Variants in RANBP17 observed in about 807,000 individuals in gnomAD.
RANBP17 encodes RAN binding protein 17.
RANBP17 carries 158 observed loss-of-function variants against 141.2 expected under a neutral mutation model. That is an observed-to-expected ratio of 1.12 (90% CI 0.98 to 1.28). The LOEUF is 1.28. Ranked by LOEUF, RANBP17 falls within the 50% of genes most tolerant of loss-of-function variation. The pLI is 0.00. For missense variants in RANBP17, 1,438 were observed against 1,290.7 expected (o/e 1.11, Z -1.75); for synonymous variants, 430 against 450.0 (o/e 0.96, Z 0.56).
At chr5:170,872,311 G>C (rs777642490) in intron 1 of RANBP17, among the ~76,000 whole-genome samples, 16 of 152,088 alleles carry the variant, frequency 1.1e-4, no homozygotes, top group Non-Finnish European at 1.8e-4. Flanking sequence ...TTGGCTGTCT[G>C]CTTGTCTATT....
intron 14 of RANBP17, among the ~76,000 whole-genome samples, chr5:171,130,637 T>C (rs549337812): frequency 8.5e-5 from 13 of 152,108 alleles, no homozygotes; most frequent in Admixed American, 3.3e-4. Context: ...GGTTTCTGCA[T>C]GTTGGCCAGA....
intron 14 of RANBP17, among the ~76,000 whole-genome samples, chr5:171,109,649 T>C (rs1049936422): frequency 1.3e-5 from 2 of 152,184 alleles, no homozygotes; most frequent in Non-Finnish European, 2.9e-5. Context: ...ACTAATACAA[T>C]GTAAATGCTA....
At chr5:171,074,109 A>T (rs935428679) in intron 14 of RANBP17, among the ~76,000 whole-genome samples, 1 of 152,182 alleles carries the variant, frequency 6.6e-6, no homozygotes, top group African/African-American at 2.4e-5. Flanking sequence ...GAATAACTTT[A>T]TAGTTAGGAA....
In RANBP17 at chr5:171,264,393, GA is replaced by G. The variant is rs201231962; in HGVS notation, c.2777-1279del. On this transcript the variant is annotated intron_variant, in intron 24 of 27. Coordinates refer to ENST00000523189, the MANE Select transcript of RANBP17 (RefSeq NM_022897.5). The stretch of plus-strand genomic sequence containing the variant: ...ACCACCTATTCCCCAAAAATTATTG[GA>G]AAAAAAAATACAATAAAATTTTCAA... 8.0e-5 allele frequency among the ~76,000 whole-genome samples: 12 copies of G among 149,720 alleles called. No homozygotes were observed. In the South Asian group the frequency reaches 8.5e-4, roughly 11 times the overall value.
intron 24 of RANBP17, among the ~76,000 whole-genome samples, chr5:171,254,883 A>G (rs1000630756): frequency 6.6e-6 from 1 of 152,232 alleles, no homozygotes; most frequent in Non-Finnish European, 1.5e-5. Context: ...AAACAACAAA[A>G]AGGAATGTTT....
intron 19 of RANBP17, 86 bp from the exon 20 acceptor site, chr5:171,205,438 A>G (rs762250084): frequency 9.5e-6 from 10 of 1,052,600 alleles, no homozygotes; most frequent in Non-Finnish European, 1.5e-5. Context: ...TCAAAATCAG[A>G]TATGTGGTCA....
At chr5:171,245,974 G>A (rs1220675802) in intron 24 of RANBP17, among the ~76,000 whole-genome samples, 1 of 151,438 alleles carries the variant, frequency 6.6e-6, no homozygotes, top group African/African-American at 2.4e-5. Context: ...CGCCTCCTGG[G>A]TTCAAACAAT....
intron 19 of RANBP17, among the ~76,000 whole-genome samples, chr5:171,205,146 G>A (rs1762498972): frequency 6.6e-6 from 1 of 152,136 alleles, no homozygotes; most frequent in Non-Finnish European, 1.5e-5. Flanking sequence ...GGGGCCGCTT[G>A]CATGCAAGCC....
At chr5:171,104,464 A>G (rs965863310) in intron 14 of RANBP17, among the ~76,000 whole-genome samples, 1 of 152,230 alleles carries the variant, frequency 6.6e-6, no homozygotes, top group South Asian at 2.1e-4. Context: ...GGTGAAATAT[A>G]AGACTATCCA....
intron 13 of RANBP17, among the ~76,000 whole-genome samples, chr5:170,957,907 G>A (rs1775849285): frequency 6.6e-6 from 1 of 152,150 alleles, no homozygotes; most frequent in South Asian, 2.1e-4. Flanking sequence ...CCAAAATGTT[G>A]TCACCAGAGG....
chr5:171,217,947 G>T (rs1763316145), intron 21 of RANBP17, among the ~76,000 whole-genome samples: 1 of 152,006 alleles, frequency 6.6e-6, no homozygotes, highest in South Asian at 2.1e-4. Context: ...GAATTTGTTT[G>T]CTTTTGGTTT....
chr5:171,081,336 T>C (rs981408533), intron 14 of RANBP17, among the ~76,000 whole-genome samples: 4 of 152,124 alleles, frequency 2.6e-5, no homozygotes, highest in Non-Finnish European at 5.9e-5. Flanking sequence ...TAAAAGAATA[T>C]GGGTTAAGAA....
chr5:171,072,457 A>G (rs1351112509), intron 14 of RANBP17, among the ~76,000 whole-genome samples: 1 of 152,154 alleles, frequency 6.6e-6, no homozygotes, highest in Non-Finnish European at 1.5e-5. Flanking sequence ...TAATTGAAAA[A>G]AAAAAAGACA....
intron 16 of RANBP17, among the ~76,000 whole-genome samples, chr5:171,179,217 T>C (rs1203668103): frequency 6.6e-6 from 1 of 152,204 alleles, no homozygotes; most frequent in Non-Finnish European, 1.5e-5. Context: ...ACCCAAATTA[T>C]CAGAAATGGC....
chr5:171,166,031 A>G (rs1280396858), intron 14 of RANBP17, among the ~76,000 whole-genome samples: 4 of 152,230 alleles, frequency 2.6e-5, no homozygotes, highest in African/African-American at 9.6e-5. Context: ...ACCAAAATGT[A>G]CATTTTAACC....
intron 25 of RANBP17, among the ~76,000 whole-genome samples, chr5:171,267,347 T>C (rs1192526656): frequency 1.3e-5 from 2 of 152,058 alleles, no homozygotes; most frequent in African/African-American, 4.8e-5. Flanking sequence ...CCTAGCCCTA[T>C]CACTGTGTTT....
chr5:171,252,830 T>C lies in RANBP17; in HGVS notation c.2776+10010T>C, dbSNP rs571284681. 7 of 1,232,666 alleles carry C rather than the reference T, an allele frequency of 5.7e-6. No individual in the cohort carries two copies. The East Asian group carries it at 9.3e-5, about 16-fold the overall frequency. 76.4% of individuals were successfully genotyped at this position (1,232,666 alleles called of 1,614,324 possible). ...ATTGGTCCCAGTCGAGGCCATTGTA[T>C]TGTAATAGTTAAGAGTCATGATTTT... On this transcript the variant is annotated intron_variant, in intron 24 of 27. Transcript: ENST00000523189.
chr5:171,002,512 G>T (rs1483990287), intron 14 of RANBP17, among the ~76,000 whole-genome samples: 1 of 151,624 alleles, frequency 6.6e-6, no homozygotes. Flanking sequence ...GGACCCTTGT[G>T]TAGTGAGGAA....
intron 18 of RANBP17, 67 bp downstream of exon 18, chr5:171,183,497 G>T: frequency 9.8e-7 from 1 of 1,019,044 alleles, no homozygotes; most frequent in Non-Finnish European, 1.5e-6. Context: ...TAAAGAAGTG[G>T]AGTACTAGTG....
Sources: gnomAD v4.1 joint callset for allele counts (sites outside exome capture counted in the v4.1 genomes callset) on GRCh38, gnomAD v4.1.1 for gene constraint, MANE v1.5 for transcripts, NCBI Gene and HGNC (gene_info 2026-07-23, HGNC 2026-07-21) for gene names.